The following LCN15 variants were observed in gnomAD, a reference collection of about 807,000 sequenced individuals.
The protein encoded by LCN15 is lipocalin-15.
A neutral mutation model predicts 23.1 loss-of-function variants in LCN15; 26 were observed. That is an observed-to-expected ratio of 1.13 (90% CI 0.82 to 1.56). The LOEUF is 1.56. LCN15 is among the 40% of genes most tolerant of loss of function. The pLI, the probability that LCN15 is intolerant of heterozygous loss-of-function variation, is 0.00. For synonymous variants in LCN15, 107 were observed against 98.3 expected (o/e 1.09, Z -0.52); for missense variants, 241 against 239.5 (o/e 1.01, Z -0.04).
At chr9:136,764,169 G>A (rs1847354581) in intron 1 of LCN15, 160 bp from the exon 2 acceptor site, 1 of 893,232 alleles carries the variant, frequency 1.1e-6, no homozygotes. Context: ...CTCATCTTGG[G>A]TAGGTCACAG....
chr9:136,764,101 G>A (rs1209461752), intron 1 of LCN15, 92 bp from the exon 2 acceptor site: 4 of 1,507,194 alleles, frequency 2.7e-6, no homozygotes, highest in Non-Finnish European at 3.6e-6. Context: ...AAGTCACACA[G>A]CAAGGGGTCT....
chr9:136,761,768 C>A lies in LCN15; in HGVS notation c.*32+19G>T. 3 of 1,224,814 alleles carry A rather than the reference C, an allele frequency of 2.4e-6. No homozygotes were observed. The highest frequency in any genetic ancestry group is 3.1e-6 in the Non-Finnish European group (3 of 971,516). 75.9% of individuals were successfully genotyped at this position (1,224,814 alleles called of 1,614,324 possible). A position where few individuals can be genotyped will look rare whatever the true frequency, so the allele number is the denominator to read the frequency against. ...GGAGAGGCAACCAGGGCATCCCCTG[C>A]AGGGCCTGGAGAACCCACCTGGGAA... On this transcript the variant is annotated intron_variant, in intron 6 of 6. Transcript: ENST00000316144. The surrounding 1 kb of genome is among the most constrained non-coding windows in gnomAD (Gnocchi z 4.2).
chr9:136,761,307 C>T lies in LCN15; in HGVS notation c.*32+480G>A, dbSNP rs1393243073. ...TGGAGTTTCTCTCTTGTCACCCAGG[C>T]TGGACTGTAATGGTGCAATCTCGGC... On this transcript the variant is annotated intron_variant, in intron 6 of 6. Coordinates refer to ENST00000316144, the MANE Select transcript of LCN15 (RefSeq NM_203347.2). The surrounding 1 kb of genome is among the most constrained non-coding windows in gnomAD (Gnocchi z 4.2). Among the ~76,000 whole-genome samples the T allele has an allele frequency of 6.6e-6, 1 of 152,188 alleles. No individual in the cohort carries two copies. Among genetic ancestry groups the T allele is most frequent in the African/African-American group, 2.4e-5 (1 of 41,438 alleles).
In LCN15 at chr9:136,762,361, C is replaced by T. The variant is rs1847329671; in HGVS notation, c.419-72G>A. ...CAGCACGGGGTCTCCTGGCCTCACT[C>T]CACCAGCCTGAGGGCTGACAGCAAG... On this transcript the variant is annotated intron_variant, in intron 4 of 6. Coordinates refer to ENST00000316144, the MANE Select transcript of LCN15 (RefSeq NM_203347.2). The T allele has an allele frequency of 3.4e-6, 3 of 877,076 alleles. No individual in the cohort carries two copies. The South Asian group carries it at 4.5e-5, about 13-fold the overall frequency. 54.3% of individuals were successfully genotyped at this position (877,076 alleles called of 1,614,324 possible).
intron 4 of LCN15, 78 bp from the exon 5 acceptor site, chr9:136,762,367 G>A: frequency 1.2e-6 from 1 of 828,726 alleles, no homozygotes; most frequent in South Asian, 1.5e-5. Context: ...CACTCCACCA[G>A]CCTGAGGGCT....
At position 136,763,990 on chromosome 9, in the gene LCN15, A is replaced by T; in HGVS notation, c.116T>A (p.Val39Glu). The T allele has an allele frequency of 1.9e-6, 3 of 1,613,248 alleles. No homozygotes were observed. The South Asian group carries it at 3.3e-5, about 18-fold the overall frequency. The part of the protein sequence containing the change: ...NAEKFSGLWY[V>E]VSMASDCRVF... ...CCTGCAGTCAGATGCCATGGAGACC[A>T]CGTACCAGAGGCCTGAGAACTGCCG... Residue 39 changes from valine to glutamate, a missense_variant, in exon 2 of 7, where the codon GTG becomes GAG. Val to Glu is a moderately radical substitution (Grantham distance 121). Transcript: ENST00000316144.
At chr9:136,763,269 CGGGCGGGGCGGGGGTAGGCAGAACGGG>C (rs2131100346) in intron 4 of LCN15, 61 bp downstream of exon 4, 2 of 539,698 alleles carry the variant, frequency 3.7e-6, no homozygotes, top group African/African-American at 5.5e-5. Flanking sequence ...GGGCGGCAGG[CGGGCGGGGCGGGGGTAGGCAGAACGGG>C]GGGCGGGGCC....
chr9:136,764,040 G>C (rs568290180), intron 1 of LCN15, 31 bp from the exon 2 acceptor site: 3 of 1,605,754 alleles, frequency 1.9e-6, no homozygotes, highest in Admixed American at 3.3e-5. Context: ...CGCAGGCCAG[G>C]ACAGCCAGCA....
At chr9:136,763,819 G>A in intron 2 of LCN15, 36 bp from the exon 3 acceptor site, 1 of 1,613,282 alleles carries the variant, frequency 6.2e-7, no homozygotes, top group South Asian at 1.1e-5. Flanking sequence ...ATGGCACCCA[G>A]CTACCTCAGC....
intron 3 of LCN15, 90 bp from the exon 4 acceptor site, chr9:136,763,557 T>C (rs1847346184): frequency 4.1e-6 from 5 of 1,208,698 alleles, no homozygotes; most frequent in Non-Finnish European, 5.8e-6. Flanking sequence ...TGCTGGGCTG[T>C]GAGCCTGTTC....
chr9:136,760,387 A>C (rs1847303446), intron 6 of LCN15, among the ~76,000 whole-genome samples: 1 of 152,162 alleles, frequency 6.6e-6, no homozygotes, highest in Admixed American at 6.5e-5. Flanking sequence ...GCGAGTCTCC[A>C]GGGAGAGGGT....
Position 136,761,849 on chromosome 9 carries a change from T to A in LCN15, c.525A>T (p.Ala175=). The A allele has an allele frequency of 3.0e-6, 4 of 1,324,306 alleles. No individual in the cohort carries two copies. Among genetic ancestry groups the A allele is most frequent in the Non-Finnish European group, 3.9e-6 (4 of 1,035,276 alleles). The allele number at this position is 1,324,306 out of a possible 1,614,324, so 82.0% of individuals were successfully genotyped here. The change falls in exon 6 of 7, where the codon GCA becomes GCT. Residue 175 remains alanine, a synonymous_variant. Coordinates refer to ENST00000316144, the MANE Select transcript of LCN15 (RefSeq NM_203347.2). The surrounding 1 kb of genome is among the most constrained non-coding windows in gnomAD (Gnocchi z 4.2). ...GCGCCTCCTTGCTCTCAGGGTTGCATGCATCTGTGGGGAGGAAGACATCCG... is the reference window on the plus strand; with the variant it reads ...GCGCCTCCTTGCTCTCAGGGTTGCAAGCATCTGTGGGGAGGAAGACATCCG... ...DMMVMLPQSD[A]CNPESKEAP is the part of the protein sequence containing the mutation.
In LCN15 at chr9:136,762,072, GAGA is replaced by G. The variant is rs143575622; in HGVS notation, c.520+113_520+115del. 5,810 of 784,016 alleles carry G rather than the reference GAGA, an allele frequency of 7.4e-3. 241 individuals carry two copies. In the African/African-American group the frequency reaches 0.092, roughly 12 times the overall value. The allele number at this position is 784,016 out of a possible 1,614,324, so 48.6% of individuals were successfully genotyped here. On this transcript the variant is annotated intron_variant, in intron 5 of 6. Transcript: ENST00000316144. The stretch of plus-strand genomic sequence containing the variant: ...AGGGGCTGCCAGCCCACCCCTGGAA[GAGA>G]AGACCACCTGCTGCCCGCACACTGC...
chr9:136,762,277 T>C lies in LCN15; in HGVS notation c.431A>G (p.Asp144Gly), dbSNP rs765255985. 1.3e-6 allele frequency: 2 copies of C among 1,587,610 alleles called. No homozygotes were observed. The highest frequency in any genetic ancestry group is 4.6e-5 in the East Asian group (2 of 43,406). Reference sequence around the variant, plus strand: ...GGACTTCAGAGCCTGGGGACTCACATCCTGGGTCCGGCCTGGGCAGAGCAG... The same window carrying C: ...GGACTTCAGAGCCTGGGGACTCACACCCTGGGTCCGGCCTGGGCAGAGCAG... Reference protein sequence around the residue: ...TMVQLYSRTQDVSPQALKSFQ... With the variant: ...TMVQLYSRTQGVSPQALKSFQ... The change falls in exon 5 of 7, where the codon GAT (aspartate) becomes GGT (glycine). Residue 144 changes from aspartate (D) to glycine (G), a missense_variant. Transcript: ENST00000316144.
intron 4 of LCN15, 96 bp downstream of exon 4, chr9:136,763,261 G>A (rs924153296): frequency 1.3e-5 from 9 of 676,692 alleles, no homozygotes; most frequent in Non-Finnish European, 1.9e-5. Flanking sequence ...GAGGCGCGGG[G>A]CGGCAGGCGG....
rs1016247673 is a variant in LCN15, at chr9:136,763,875, G to C, written c.231C>G (p.Phe77Leu). The change falls in exon 2 of 7, where the codon TTC becomes TTG. Residue 77 changes from phenylalanine (F) to leucine (L), a missense_variant. By Grantham distance (22) the Phe-to-Leu change is conservative. Coordinates refer to ENST00000316144, the MANE Select transcript of LCN15 (RefSeq NM_203347.2). Reference sequence around the variant, plus strand: ...GCCCAGCCCAAGTAACTCACCCCGGGAACTCCATGTGGACGTGGAGGCCGC... The same window carrying C: ...GCCCAGCCCAAGTAACTCACCCCGGCAACTCCATGTGGACGTGGAGGCCGC... ...EEGGLHVHME[F>L]PGADGCNQVD... 1 of 1,613,452 alleles carries C rather than the reference G, an allele frequency of 6.2e-7. No individual in the cohort carries two copies. The highest frequency in any genetic ancestry group is 1.7e-5 in the Admixed American group (1 of 59,994).
intron 2 of LCN15, 29 bp downstream of exon 2, chr9:136,763,841 G>A (rs200547476): frequency 1.3e-5 from 21 of 1,613,004 alleles, no homozygotes; most frequent in Non-Finnish European, 1.6e-5. Flanking sequence ...CCCCAGCCCA[G>A]CCCAGGCAGC....
At chr9:136,760,871 G>C (rs1048228234) in intron 6 of LCN15, among the ~76,000 whole-genome samples, 1 of 152,224 alleles carries the variant, frequency 6.6e-6, no homozygotes, top group Non-Finnish European at 1.5e-5. Flanking sequence ...TGGAACCTCC[G>C]AACGTGGCCT....
Position 136,761,502 on chromosome 9 carries a change from C to T in LCN15, c.*32+285G>A, listed in dbSNP as rs1490657103. 6.6e-6 allele frequency among the ~76,000 whole-genome samples: 1 copy of T among 152,186 alleles called. No homozygotes were observed. The highest frequency in any genetic ancestry group is 2.4e-5 in the African/African-American group (1 of 41,438). ...TCTCGAACTCCCAACCTCAGGTGAC[C>T]CGCCTGCCTCGGCCTCCCAAAGTGC... On this transcript the variant is annotated intron_variant, in intron 6 of 6. Transcript: ENST00000316144. The surrounding 1 kb of genome is among the most constrained non-coding windows in gnomAD (Gnocchi z 4.2).
Sources: gnomAD v4.1 joint callset for allele counts (sites outside exome capture counted in the v4.1 genomes callset) on GRCh38, gnomAD v4.1.1 for gene constraint, Gnocchi (gnomAD v3.1) non-coding constraint, MANE v1.5 for transcripts, NCBI Gene and HGNC (gene_info 2026-07-23, HGNC 2026-07-21) for gene names.